Variants in CPNE6 observed in about 807,000 individuals in gnomAD.
The protein encoded by CPNE6 is copine 6, also known as copine-6.
A neutral mutation model predicts 71.5 loss-of-function variants in CPNE6; 33 were observed. That is an observed-to-expected ratio of 0.46 (90% CI 0.35 to 0.62). CPNE6 has a LOEUF of 0.62. Ranked by LOEUF, CPNE6 falls within the 20% of genes least tolerant of loss-of-function variation. The probability of loss-of-function intolerance (pLI) is 0.00; values close to 1 mark genes in which losing one functional copy is unlikely to be tolerated. For synonymous variants in CPNE6, 296 were observed against 293.0 expected (o/e 1.01, Z -0.10); for missense variants, 576 against 747.3 (o/e 0.77, Z 2.67).
At chr14:24,071,857 A>C in intron 2 of CPNE6, 15 of 507,112 alleles carry the variant, frequency 3.0e-5, no homozygotes, top group East Asian at 9.8e-5. Context: ...TCCCTCACAT[A>C]TCCAGAAAGG....
Position 24,074,081 on chromosome 14 carries a change from T to C in CPNE6, c.379T>C (p.Leu127=). 29 of 1,614,132 alleles carry C rather than the reference T, an allele frequency of 1.8e-5. No homozygotes were observed. The highest frequency in any genetic ancestry group is 2.5e-5 in the Non-Finnish European group (29 of 1,180,010). The change falls in exon 5 of 18, where the codon TTA becomes CTA. Residue 127 remains leucine (L), a synonymous_variant. Transcript: ENST00000397016. This position sits in a 1 kb window ranked among gnomAD's most constrained non-coding sequence, Gnocchi z 4.5. ...GTCACAAACCAAGGTCACTAAGCCA[T>C]TATTGCTGAAGAATGGGAAGACTGC...
chr14:24,074,038 C>T lies in CPNE6; in HGVS notation c.349-13C>T, dbSNP rs772786077. The T allele has an allele frequency of 4.3e-6, 7 of 1,612,528 alleles. No homozygotes were observed. The African/African-American group carries it at 8.0e-5, about 18-fold the overall frequency. ...GATGTCACAGCTGGGTCTCCCTCCA[C>T]CTCCATCCCCAGATTGTGTCACAAA... On this transcript the variant is annotated splice_polypyrimidine_tract_variant and intron_variant, in intron 4 of 17. Coordinates refer to ENST00000397016, the Ensembl canonical transcript of CPNE6. This position sits in a 1 kb window ranked among gnomAD's most constrained non-coding sequence, Gnocchi z 4.5.
In CPNE6 at chr14:24,077,882, T is replaced by TC; in HGVS notation, c.*38-3dup. 1 of 808,458 alleles carries TC rather than the reference T, an allele frequency of 1.2e-6. No individual in the cohort carries two copies. The highest frequency in any genetic ancestry group is 1.8e-6 in the Non-Finnish European group (1 of 566,414). 50.1% of individuals were successfully genotyped at this position (808,458 alleles called of 1,614,324 possible). On this transcript the variant is annotated splice_polypyrimidine_tract_variant and splice_region_variant and intron_variant, in intron 17 of 17. Coordinates refer to ENST00000397016, the Ensembl canonical transcript of CPNE6. The surrounding 1 kb of genome is among the most constrained non-coding windows in gnomAD (Gnocchi z 6.1). The stretch of plus-strand genomic sequence containing the variant: ...GAGTGCTTATGACTCTCCCACCCCC[T>TC]CCCAGGTGCCTGTCCTGACCCTCGT...
Position 24,074,825 on chromosome 14 carries a change from A to G in CPNE6, c.672+30A>G. On this transcript the variant is annotated intron_variant, in intron 8 of 17. Transcript: ENST00000397016. The surrounding 1 kb of genome is among the most constrained non-coding windows in gnomAD (Gnocchi z 4.5). ...AGTCCCAGCCAAGCCAGCACAGCCT[A>G]CTTAGAGCAACCAATCTGCTATCTA... 1.9e-6 allele frequency: 3 copies of G among 1,578,952 alleles called. No individual in the cohort carries two copies. The highest frequency in any genetic ancestry group is 1.7e-5 in the Admixed American group (1 of 57,384).
Position 24,077,168 on chromosome 14 carries a change from G to T in CPNE6, c.1314G>T (p.Leu438=). Residue 438 remains leucine (L), a synonymous_variant, in exon 16 of 18, where the codon CTG becomes CTT. Transcript: ENST00000397016. The surrounding 1 kb of genome is among the most constrained non-coding windows in gnomAD (Gnocchi z 6.1). ...CTTGCCCTCAGAAGTACTCGGTGCT[G>T]CTGGTGCTCACTGACGGTGTGGTGA... The T allele has an allele frequency of 6.2e-7, 1 of 1,605,038 alleles. No homozygotes were observed.
chr14:24,071,162 G>A (rs2035883534), intron 1 of CPNE6: 7 of 1,084,782 alleles, frequency 6.5e-6, no homozygotes, highest in Admixed American at 2.2e-5. Flanking sequence ...TGTATCCGCC[G>A]GGGGCTGTAA....
chr14:24,075,151 C>T lies in CPNE6; in HGVS notation c.673-21C>T. The T allele has an allele frequency of 1.3e-6, 2 of 1,584,174 alleles. No homozygotes were observed. Among genetic ancestry groups the T allele is most frequent in the Non-Finnish European group, 8.7e-7 (1 of 1,152,726 alleles). ...GCAGAGCATCTCCAACCTGACCCCACCCCTCCCCCTGCCTTCTCAGTTCCT... is the reference window on the plus strand; with the variant it reads ...GCAGAGCATCTCCAACCTGACCCCATCCCTCCCCCTGCCTTCTCAGTTCCT... On this transcript the variant is annotated intron_variant, in intron 8 of 17. Transcript: ENST00000397016. This position sits in a 1 kb window ranked among gnomAD's most constrained non-coding sequence, Gnocchi z 4.3.
At position 24,074,098 on chromosome 14, in the gene CPNE6, G is replaced by A; in HGVS notation, c.396G>A (p.Gly132=). 6.2e-7 allele frequency: 1 copy of A among 1,614,158 alleles called. No homozygotes were observed. Among genetic ancestry groups the A allele is most frequent in the Admixed American group, 1.7e-5 (1 of 60,020 alleles). ...CTAAGCCATTATTGCTGAAGAATGG[G>A]AAGACTGCGGGCAAGTCCACCATCA... Residue 132 remains glycine (G), a synonymous_variant, in exon 5 of 18, where the codon GGG becomes GGA. Transcript: ENST00000397016. This position sits in a 1 kb window ranked among gnomAD's most constrained non-coding sequence, Gnocchi z 4.5.
chr14:24,071,326 G>A, intron 1 of CPNE6: 1 of 1,434,710 alleles, frequency 7.0e-7, no homozygotes, highest in Non-Finnish European at 9.1e-7. Flanking sequence ...GCGATTCTGG[G>A]TGTGGGTGTA....
At position 24,074,255 on chromosome 14, in the gene CPNE6, G is replaced by A; in HGVS notation, c.424-36G>A. On this transcript the variant is annotated intron_variant, in intron 5 of 17. Transcript: ENST00000397016. This position sits in a 1 kb window ranked among gnomAD's most constrained non-coding sequence, Gnocchi z 4.5. The stretch of plus-strand genomic sequence containing the variant: ...GGGATGGGGTGGCCCTTGTGGTAAG[G>A]TTAGGGGAGTCCTGCCACTTGTATC... 1 of 1,601,306 alleles carries A rather than the reference G, an allele frequency of 6.2e-7. No individual in the cohort carries two copies.
chr14:24,074,495 C>T lies in CPNE6; in HGVS notation c.499-36C>T, dbSNP rs371688285. 1.2e-5 allele frequency: 20 copies of T among 1,605,104 alleles called. No individual in the cohort carries two copies. The highest frequency in any genetic ancestry group is 3.3e-4 in the Middle Eastern group (2 of 6,064). ...CATCCCCCACCCTCCTTGCAGCTCT[C>T]ACCAACCTCAAGGGCCCTTTCTCCT... On this transcript the variant is annotated intron_variant, in intron 6 of 17. Transcript: ENST00000397016. The surrounding 1 kb of genome is among the most constrained non-coding windows in gnomAD (Gnocchi z 4.5).
In CPNE6 at chr14:24,073,988, C is replaced by T. The variant is rs2035980953; in HGVS notation, c.349-63C>T. The T allele has an allele frequency of 9.2e-6, 13 of 1,419,892 alleles. No individual in the cohort carries two copies. The highest frequency in any genetic ancestry group is 4.5e-5 in the East Asian group (2 of 43,978). 88.0% of individuals were successfully genotyped at this position (1,419,892 alleles called of 1,614,324 possible). ...ACTCAGAGCATTTATTATTCCATCC[C>T]TTGTACGTGGCCAAGGCAGATGGGG... On this transcript the variant is annotated intron_variant, in intron 4 of 17. Coordinates refer to ENST00000397016, the Ensembl canonical transcript of CPNE6. The surrounding 1 kb of genome is among the most constrained non-coding windows in gnomAD (Gnocchi z 5.5).
chr14:24,077,906 G>A lies in CPNE6; in HGVS notation c.*56G>A, dbSNP rs542897310. The A allele has an allele frequency of 1.5e-5, 9 of 587,406 alleles. No individual in the cohort carries two copies. Among genetic ancestry groups the A allele is most frequent in the East Asian group, 3.1e-5 (1 of 32,312 alleles). 36.4% of individuals were successfully genotyped at this position (587,406 alleles called of 1,614,324 possible). A position where few individuals can be genotyped will look rare whatever the true frequency, so the allele number is the denominator to read the frequency against. ...CTCCCAGGTGCCTGTCCTGACCCTC[G>A]TGACTCCAGTGACCAATGCCTCCAC... is the stretch of plus-strand genomic sequence containing the variant. On this transcript the variant is annotated 3_prime_UTR_variant, in exon 18 of 18. Coordinates refer to ENST00000397016, the Ensembl canonical transcript of CPNE6. This position sits in a 1 kb window ranked among gnomAD's most constrained non-coding sequence, Gnocchi z 6.1.
In CPNE6 at chr14:24,075,394, T is replaced by A; in HGVS notation, c.778-111T>A. On this transcript the variant is annotated intron_variant, in intron 9 of 17. Coordinates refer to ENST00000397016, the Ensembl canonical transcript of CPNE6. The surrounding 1 kb of genome is among the most constrained non-coding windows in gnomAD (Gnocchi z 4.3). ...TGGAGAGGGTGGAAAGCACCTGGGC[T>A]CAGCTGAAGGACGGAACCATGGGGG... The A allele has an allele frequency of 1.4e-6, 2 of 1,393,032 alleles. No homozygotes were observed. The highest frequency in any genetic ancestry group is 1.0e-6 in the Non-Finnish European group (1 of 984,144). 86.3% of individuals were successfully genotyped at this position (1,393,032 alleles called of 1,614,324 possible).
intron 1 of CPNE6, 115 bp from the exon 1 acceptor site, chr14:24,071,447 G>A: frequency 1.3e-6 from 2 of 1,501,830 alleles, no homozygotes; most frequent in Non-Finnish European, 1.8e-6. Flanking sequence ...CTGTGGCCCT[G>A]CCCCTTCCCT....
chr14:24,073,444 G>A lies in CPNE6; in HGVS notation c.169-55G>A, dbSNP rs1026648034. 17 of 1,576,370 alleles carry A rather than the reference G, an allele frequency of 1.1e-5. No individual in the cohort carries two copies. The highest frequency in any genetic ancestry group is 2.7e-5 in the African/African-American group (2 of 74,148). On this transcript the variant is annotated intron_variant, in intron 3 of 17. Coordinates refer to ENST00000397016, the Ensembl canonical transcript of CPNE6. This position sits in a 1 kb window ranked among gnomAD's most constrained non-coding sequence, Gnocchi z 5.5. ...CATGACTAGGGCAGTCCAGGACAGG[G>A]AAAAGTATCCTCGGTTCCCAGACAG...
At chr14:24,076,233 T>C (rs1439855106) in exon 12 of CPNE6, 1 of 1,614,078 alleles carries the variant, frequency 6.2e-7, no homozygotes, top group Non-Finnish European at 8.5e-7. Flanking sequence ...GCCCAACCAC[T>C]ACCTGCAGGC....
intron 1 of CPNE6, 61 bp from the exon 1 acceptor site, chr14:24,071,501 G>GGCGGGCCCCC: frequency 7.1e-7 from 1 of 1,416,704 alleles, no homozygotes; most frequent in Non-Finnish European, 9.3e-7. Context: ...CTGGTGCTGC[G>GGCGGGCCCCC]CCCCCCCCCA....
rs1023325619 is a variant in CPNE6, at chr14:24,076,776, G to A, written c.1166-103G>A. The A allele has an allele frequency of 3.2e-6, 5 of 1,569,074 alleles. No homozygotes were observed. The African/African-American group carries it at 4.0e-5, about 13-fold the overall frequency. ...CCACTGCTTAATGAAGGAACTCGAGGGGAGGGCAGTCCTCAGACCTGGAAG... is the reference window on the plus strand; with the variant it reads ...CCACTGCTTAATGAAGGAACTCGAGAGGAGGGCAGTCCTCAGACCTGGAAG... On this transcript the variant is annotated intron_variant, in intron 14 of 17. Transcript: ENST00000397016.
Sources: gnomAD v4.1 joint callset for allele counts on GRCh38, gnomAD v4.1.1 for gene constraint, Gnocchi (gnomAD v3.1) non-coding constraint, MANE v1.5 for transcripts, NCBI Gene and HGNC (gene_info 2026-07-23, HGNC 2026-07-21) for gene names.